The following DISC1 variants were observed in gnomAD, a reference collection of about 807,000 sequenced individuals.
The protein encoded by DISC1 is DISC1 scaffold protein.
Under a neutral mutation model 84.5 loss-of-function variants are expected in DISC1, and 57 were observed. The ratio of observed to expected loss-of-function variants is 0.67; its 90% CI spans 0.55 to 0.84. The LOEUF is 0.84. Among genes scored for constraint, DISC1 ranks in the 40% least tolerant of loss-of-function variants. The pLI is 0.00. For missense variants in DISC1, 1,000 were observed against 1,057.8 expected, an observed-to-expected ratio of 0.95 and a Z score of 0.76; for synonymous variants, 411 against 415.2, an observed-to-expected ratio of 0.99 and a Z score of 0.12.
At chr1:231,927,498 C>A (rs777094148) in intron 9 of DISC1, among the ~76,000 whole-genome samples, 2 of 152,170 alleles carry the variant, frequency 1.3e-5, no homozygotes, top group African/African-American at 4.8e-5. Flanking sequence ...CTCCATATTA[C>A]TCTCCTGTGT....
intron 3 of DISC1, among the ~76,000 whole-genome samples, chr1:231,702,912 T>G (rs185570332): frequency 2.2e-4 from 33 of 152,306 alleles, no homozygotes; most frequent in African/African-American, 7.5e-4. Flanking sequence ...TAGATACTCC[T>G]GCTATTGAGC....
intron 9 of DISC1, among the ~76,000 whole-genome samples, chr1:231,948,475 G>T (rs1657677502): frequency 6.6e-6 from 1 of 152,120 alleles, no homozygotes; most frequent in South Asian, 2.1e-4. Context: ...GGCTCGGGAA[G>T]GGATAGCTTT....
intron 10 of DISC1, among the ~76,000 whole-genome samples, chr1:231,986,509 G>A (rs569251500): frequency 9.2e-5 from 14 of 152,234 alleles, no homozygotes; most frequent in African/African-American, 3.4e-4. Context: ...TCTTTAGAAT[G>A]AGCCGTAACA....
intron 1 of DISC1, among the ~76,000 whole-genome samples, chr1:231,640,767 C>A (rs2059576027): frequency 6.6e-6 from 1 of 151,380 alleles, no homozygotes; most frequent in Non-Finnish European, 1.5e-5. Flanking sequence ...AACTGCTGGG[C>A]TCAAGAAAAC....
At chr1:231,812,656 G>T (rs1442067365) in intron 8 of DISC1, among the ~76,000 whole-genome samples, 1 of 152,204 alleles carries the variant, frequency 6.6e-6, no homozygotes, top group Non-Finnish European at 1.5e-5. Context: ...ATATTGGGAT[G>T]CCATAGGTGG....
At chr1:231,889,520 C>T (rs187064894) in intron 9 of DISC1, among the ~76,000 whole-genome samples, 51 of 152,336 alleles carry the variant, frequency 3.3e-4, no homozygotes, top group African/African-American at 1.2e-3. Context: ...GATTGGATTA[C>T]AAGTTTTCCT....
chr1:231,907,876 A>G (rs1394801979), intron 9 of DISC1, among the ~76,000 whole-genome samples: 4 of 152,152 alleles, frequency 2.6e-5, no homozygotes, highest in Non-Finnish European at 5.9e-5. Context: ...TCTAACTGGT[A>G]TGAGATGGTA....
chr1:231,967,698 A>T (rs548362494), intron 10 of DISC1, among the ~76,000 whole-genome samples: 72 of 152,354 alleles, frequency 4.7e-4, no homozygotes, highest in African/African-American at 1.7e-3. Context: ...TCAGTTTGAA[A>T]TGCAAACTGT....
chr1:231,685,406 G>A (rs1324730641), intron 1 of DISC1, among the ~76,000 whole-genome samples: 1 of 152,078 alleles, frequency 6.6e-6, no homozygotes, highest in African/African-American at 2.4e-5. Context: ...TGGCTGGGGA[G>A]GCCTCAAAAT....
intron 3 of DISC1, among the ~76,000 whole-genome samples, chr1:231,749,196 C>G (rs2074332660): frequency 6.6e-6 from 1 of 152,178 alleles, no homozygotes. Context: ...CCAGTCAAAT[C>G]TTACTGTTTA....
In DISC1 at chr1:232,029,253, C is replaced by G. The variant is rs972843350; in HGVS notation, c.2425+2701C>G. Among the ~76,000 whole-genome samples the G allele has an allele frequency of 3.3e-5, 5 of 152,234 alleles. No homozygotes were observed. The South Asian group carries it at 1.0e-3, about 32-fold the overall frequency. ...ACCACGATATGGATTTCAACCCAGACTTTTCTTCGAATCCCAGTCTTCTGT... is the reference window on the plus strand; with the variant it reads ...ACCACGATATGGATTTCAACCCAGAGTTTTCTTCGAATCCCAGTCTTCTGT... On this transcript the variant is annotated intron_variant, in intron 12 of 12. Transcript: ENST00000439617.
intron 9 of DISC1, among the ~76,000 whole-genome samples, chr1:231,929,114 T>C (rs2090507818): frequency 6.6e-6 from 1 of 152,190 alleles, no homozygotes; most frequent in Non-Finnish European, 1.5e-5. Flanking sequence ...AATATCCTTG[T>C]TAATTTTCTG....
chr1:231,893,629 C>T (rs900608774), intron 9 of DISC1, among the ~76,000 whole-genome samples: 1 of 152,020 alleles, frequency 6.6e-6, no homozygotes, highest in African/African-American at 2.4e-5. Flanking sequence ...TGGGACTGGG[C>T]TACCTGCGGG....
At chr1:231,750,636 C>A in intron 4 of DISC1, 1 of 969,500 alleles carries the variant, frequency 1.0e-6, no homozygotes, top group Non-Finnish European at 1.2e-6. Flanking sequence ...TAAAACCTAC[C>A]AATGTCCAGG....
chr1:231,805,470 C>T (rs113411496), intron 8 of DISC1, among the ~76,000 whole-genome samples: 3,965 of 151,720 alleles, frequency 0.026, 87 homozygotes, highest in Non-Finnish European at 0.039. Context: ...GCACTTCACA[C>T]GGCCAGAGCA....
intron 1 of DISC1, among the ~76,000 whole-genome samples, chr1:231,660,480 T>C (rs930067389): frequency 1.3e-5 from 2 of 151,986 alleles, no homozygotes; most frequent in Non-Finnish European, 2.9e-5. Flanking sequence ...AATATATATA[T>C]TTTATATTTT....
intron 1 of DISC1, among the ~76,000 whole-genome samples, chr1:231,651,788 A>G (rs1323799918): frequency 6.6e-6 from 1 of 152,248 alleles, no homozygotes; most frequent in Admixed American, 6.5e-5. Flanking sequence ...CTCAAGCCTC[A>G]GCAATGGCAG....
intron 10 of DISC1, among the ~76,000 whole-genome samples, chr1:232,000,723 C>T (rs1339615432): frequency 6.6e-6 from 1 of 151,990 alleles, no homozygotes; most frequent in African/African-American, 2.4e-5. Context: ...TATAGGGAAA[C>T]AAAATTTCAA....
intron 9 of DISC1, among the ~76,000 whole-genome samples, chr1:231,953,070 C>T (rs1209284163): frequency 6.6e-6 from 1 of 152,094 alleles, no homozygotes; most frequent in African/African-American, 2.4e-5. Flanking sequence ...TCCATTTAAC[C>T]AACTGTAAAA....
Sources: allele counts gnomAD v4.1 joint callset (sites outside exome capture counted in the v4.1 genomes callset), GRCh38; gene constraint gnomAD v4.1.1; transcripts MANE v1.5; gene names NCBI Gene and HGNC (gene_info 2026-07-23, HGNC 2026-07-21).